The following DNAJA2 variants were observed in gnomAD, a reference collection of about 807,000 sequenced individuals.
DNAJA2 encodes DnaJ heat shock protein family (Hsp40) member A2, also known as dnaJ homolog subfamily A member 2.
In DNAJA2, 6 loss-of-function variants were observed where a neutral mutation model predicts 49.3. The observed-to-expected ratio is 0.12, with a 90% CI of 0.07 to 0.24. DNAJA2 has a LOEUF of 0.24. Ranked by LOEUF, DNAJA2 falls within the 10% of genes least tolerant of loss-of-function variation. The pLI is 1.00. For missense variants in DNAJA2, 347 were observed against 516.8 expected, an observed-to-expected ratio of 0.67 and a Z score of 3.19; for synonymous variants, 160 against 172.7, an observed-to-expected ratio of 0.93 and a Z score of 0.58.
chr16:46,972,607 T>C (rs1962070334), intron 1 of DNAJA2: 1 of 152,246 alleles, frequency 6.6e-6, no homozygotes, highest in African/African-American at 2.4e-5. Context: ...GACTAGCATT[T>C]CCGGTAAGGT....
In DNAJA2 at chr16:46,955,522, T is replaced by TA. The variant is rs1326660126; in HGVS notation, c.*1506dup. On this transcript the variant is annotated 3_prime_UTR_variant, in exon 9 of 9. Transcript: ENST00000317089. ...TAAAATATTTTTTGTACAATGGAGG[T>TA]AGAGTGGATAGGTCAATAATTTAAA... is the stretch of plus-strand genomic sequence containing the variant. 6.6e-6 allele frequency: 1 copy of TA among 152,234 alleles called. No individual in the cohort carries two copies. The highest frequency in any genetic ancestry group is 1.5e-5 in the Non-Finnish European group (1 of 68,040). 9.4% of individuals were successfully genotyped at this position (152,234 alleles called of 1,614,324 possible).
rs138805613 is a variant in DNAJA2, at chr16:46,967,468, C to T, written c.577+45G>A. On this transcript the variant is annotated intron_variant, in intron 5 of 8. Coordinates refer to ENST00000317089, the MANE Select transcript of DNAJA2 (RefSeq NM_005880.4). ...GTAAACCTCTCCAATATCTGCATTC[C>T]CAATCCATTCCAACATAAAAGCAGA... is the stretch of plus-strand genomic sequence containing the variant. The T allele has an allele frequency of 3.6e-3, 5,795 of 1,611,128 alleles. 16 individuals carry two copies. Among genetic ancestry groups the T allele is most frequent in the Middle Eastern group, 8.4e-3 (51 of 6,042 alleles).
chr16:46,961,846 A>G (rs1961900168), intron 6 of DNAJA2, among the ~76,000 whole-genome samples: 1 of 152,090 alleles, frequency 6.6e-6, no homozygotes, highest in Non-Finnish European at 1.5e-5. Flanking sequence ...ATATTTCTGA[A>G]TAACAAAAGT....
rs372263272 is a variant in DNAJA2 at position 46,957,191 on chromosome 16, C to T, written c.1077G>A (p.Pro359=). Residue 359 remains proline (P), a synonymous_variant, in exon 9 of 9, where the codon CCG becomes CCA. Transcript: ENST00000317089. ...TTTCTCCAATTATGTTAGGAACTTC[C>T]GGTCTAGATGGCAGAAGATCTTCTA... The part of the protein sequence containing the change: ...SELEDLLPSR[P]EVPNIIGETE... 96 of 1,610,168 alleles carry T rather than the reference C, an allele frequency of 6.0e-5. No individual in the cohort carries two copies. The highest frequency in any genetic ancestry group is 1.0e-4 in the Admixed American group (6 of 59,282).
At chr16:46,959,558 C>A in intron 6 of DNAJA2, 139 bp from the exon 7 acceptor site, 2 of 724,268 alleles carry the variant, frequency 2.8e-6, no homozygotes, top group South Asian at 2.1e-5. Flanking sequence ...TCCCTAGTGC[C>A]CTAAACCGCA....
At chr16:46,966,054 T>C (rs1461152909) in intron 5 of DNAJA2, among the ~76,000 whole-genome samples, 2 of 151,658 alleles carry the variant, frequency 1.3e-5, no homozygotes, top group African/African-American at 4.8e-5. Context: ...CAAAACCCCA[T>C]CTCTACAAGA....
At chr16:46,962,265 T>C (rs145066000) in intron 6 of DNAJA2, among the ~76,000 whole-genome samples, 186 of 152,338 alleles carry the variant, frequency 1.2e-3, no homozygotes, top group African/African-American at 4.3e-3. Context: ...TTAAGTCCTT[T>C]GCCTCCAAAT....
chr16:46,959,697 C>T (rs1468870932), intron 6 of DNAJA2: 1 of 297,036 alleles, frequency 3.4e-6, no homozygotes, highest in Non-Finnish European at 6.3e-6. Flanking sequence ...CAGGTATATT[C>T]TGCAACTATT....
At chr16:46,968,790 T>TA (rs1486231913) in intron 3 of DNAJA2, among the ~76,000 whole-genome samples, 1 of 152,184 alleles carries the variant, frequency 6.6e-6, no homozygotes, top group African/African-American at 2.4e-5. Context: ...CTCATGCCTA[T>TA]AATCCCAGCA....
intron 4 of DNAJA2, 56 bp downstream of exon 4, chr16:46,968,028 T>C (rs1251887385): frequency 2.8e-6 from 4 of 1,435,036 alleles, no homozygotes; most frequent in Non-Finnish European, 3.8e-6. Context: ...AGACATTCAG[T>C]GTGATACTTA....
At chr16:46,972,606 T>C (rs1962070288) in intron 1 of DNAJA2, 1 of 152,276 alleles carries the variant, frequency 6.6e-6, no homozygotes, top group Non-Finnish European at 1.5e-5. Context: ...AGACTAGCAT[T>C]TCCGGTAAGG....
intron 1 of DNAJA2, chr16:46,972,203 C>T (rs563770303): frequency 9.5e-5 from 43 of 452,658 alleles, no homozygotes; most frequent in Non-Finnish European, 1.5e-4. Flanking sequence ...AACAATGAAG[C>T]AATGCCACAG....
intron 1 of DNAJA2, chr16:46,972,263 G>C (rs1243886095): frequency 7.1e-6 from 2 of 283,544 alleles, no homozygotes; most frequent in Non-Finnish European, 1.3e-5. Flanking sequence ...ATTGTCAAGT[G>C]TCTTTGATGG....
intron 3 of DNAJA2, among the ~76,000 whole-genome samples, chr16:46,970,654 G>A (rs1355836230): frequency 1.4e-5 from 2 of 145,526 alleles, no homozygotes; most frequent in African/African-American, 5.2e-5. Flanking sequence ...AGAACTTCTT[G>A]AACCTGAGAG....
At chr16:46,965,568 C>T (rs1165335781) in intron 5 of DNAJA2, among the ~76,000 whole-genome samples, 2 of 152,168 alleles carry the variant, frequency 1.3e-5, no homozygotes, top group African/African-American at 4.8e-5. Context: ...TGGTGGCTCA[C>T]ACCTGTAATC....
chr16:46,959,384 T>G lies in DNAJA2; in HGVS notation c.810A>C (p.Thr270=). ...FQRDGNDLHM[T]YKIGLVEALC... ...GAGCTTCAACAAGTCCTATTTTATA[T>G]GTCATGTGCAAATCATTCCCATCTC... is the stretch of plus-strand genomic sequence containing the variant. The change falls in exon 7 of 9, where the codon ACA becomes ACC. Residue 270 remains threonine, a synonymous_variant. Transcript: ENST00000317089. 6.2e-7 allele frequency: 1 copy of G among 1,613,560 alleles called. No homozygotes were observed. The highest frequency in any genetic ancestry group is 8.5e-7 in the Non-Finnish European group (1 of 1,179,604).
At chr16:46,959,206 A>G in intron 7 of DNAJA2, 69 bp downstream of exon 7, 1 of 1,581,580 alleles carries the variant, frequency 6.3e-7, no homozygotes, top group Non-Finnish European at 8.6e-7. Context: ...ATGCAGTATA[A>G]AAAAATTACA....
At chr16:46,963,110 G>C (rs541682135) in intron 6 of DNAJA2, among the ~76,000 whole-genome samples, 1 of 151,996 alleles carries the variant, frequency 6.6e-6, no homozygotes, top group Middle Eastern at 3.2e-3. Context: ...CCATTTCTCC[G>C]TGTTCATTGG....
intron 6 of DNAJA2, among the ~76,000 whole-genome samples, chr16:46,963,656 C>T (rs1961929513): frequency 6.6e-6 from 1 of 152,006 alleles, no homozygotes; most frequent in Admixed American, 6.6e-5. Flanking sequence ...TCCCAGATCA[C>T]ACCACTGTAC....
Sources: gnomAD v4.1 joint callset for allele counts (sites outside exome capture counted in the v4.1 genomes callset) on GRCh38, gnomAD v4.1.1 for gene constraint, MANE v1.5 for transcripts, NCBI Gene and HGNC (gene_info 2026-07-23, HGNC 2026-07-21) for gene names.